The following LRRTM4 variants were observed in gnomAD, a reference collection of about 807,000 sequenced individuals.
LRRTM4 encodes leucine rich repeat transmembrane neuronal 4.
In LRRTM4, 25 loss-of-function variants were observed where a neutral mutation model predicts 47.6. The observed-to-expected ratio is 0.53, with a 90% CI of 0.38 to 0.73. LRRTM4 has a LOEUF of 0.73. Ranked by LOEUF, LRRTM4 falls within the 30% of genes least tolerant of loss-of-function variation. The pLI is 0.00. For missense variants in LRRTM4, 638 were observed against 713.4 expected, an observed-to-expected ratio of 0.89 and a Z score of 1.20; for synonymous variants, 311 against 269.5, an observed-to-expected ratio of 1.15 and a Z score of -1.51.
chr2:77,235,958 G>A (rs1675092594), intron 3 of LRRTM4, among the ~76,000 whole-genome samples: 1 of 152,036 alleles, frequency 6.6e-6, no homozygotes. Context: ...GTAATGTGAT[G>A]CCTCTACTTT....
At chr2:76,865,372 C>A (rs1672435632) in intron 3 of LRRTM4, among the ~76,000 whole-genome samples, 1 of 152,100 alleles carries the variant, frequency 6.6e-6, no homozygotes, top group Non-Finnish European at 1.5e-5. Context: ...GAATTGATAC[C>A]AATGACACCA....
intron 3 of LRRTM4, among the ~76,000 whole-genome samples, chr2:77,310,355 T>C (rs1677418130): frequency 6.6e-6 from 1 of 151,812 alleles, no homozygotes; most frequent in South Asian, 2.1e-4. Context: ...AATTTGAAAA[T>C]AGCAAAGAAC....
chr2:77,256,898 C>CA (rs1675784278), intron 3 of LRRTM4, among the ~76,000 whole-genome samples: 1 of 151,934 alleles, frequency 6.6e-6, no homozygotes, highest in African/African-American at 2.4e-5. Context: ...GAAAAACAGA[C>CA]ACAAAAACCC....
At chr2:77,151,446 A>G (rs1486395240) in intron 3 of LRRTM4, among the ~76,000 whole-genome samples, 2 of 152,202 alleles carry the variant, frequency 1.3e-5, no homozygotes, top group African/African-American at 2.4e-5. Context: ...ACTTTTGGTT[A>G]TATTTCCAAA....
At position 77,341,959 on chromosome 2, in the gene LRRTM4, G is replaced by A. The variant is rs569707538; in HGVS notation, c.1551+176359C>T. ...AGGCATTGGGATCAAGATGGATGAA[G>A]TAATACAGTATCACAGAATTTCAAT... is the stretch of plus-strand genomic sequence containing the variant. On this transcript the variant is annotated intron_variant, in intron 3 of 3. Transcript: ENST00000409884. 7.2e-5 allele frequency among the ~76,000 whole-genome samples: 11 copies of A among 152,034 alleles called. No individual in the cohort carries two copies. In the East Asian group the frequency reaches 1.2e-3, roughly 16 times the overall value.
At chr2:77,000,938 T>C (rs2104023095) in intron 3 of LRRTM4, among the ~76,000 whole-genome samples, 1 of 152,268 alleles carries the variant, frequency 6.6e-6, no homozygotes, top group East Asian at 1.9e-4. Flanking sequence ...TCCTTAGTAT[T>C]TTATTTCAAA....
intron 3 of LRRTM4, among the ~76,000 whole-genome samples, chr2:77,464,508 T>C (rs1676909419): frequency 6.6e-6 from 1 of 151,822 alleles, no homozygotes; most frequent in African/African-American, 2.4e-5. Context: ...ATGAGCTATT[T>C]CCTTTTTTTT....
chr2:77,331,949 T>C lies in LRRTM4; in HGVS notation c.1551+186369A>G, dbSNP rs562428769. Among the ~76,000 whole-genome samples, 5 of 152,296 alleles carry C rather than the reference T, an allele frequency of 3.3e-5. No individual in the cohort carries two copies. In the South Asian group the frequency reaches 8.3e-4, roughly 25 times the overall value. On this transcript the variant is annotated intron_variant, in intron 3 of 3. Transcript: ENST00000409884. Reference sequence around the variant, plus strand: ...GTAAAAATTTTCTGAATACCAGTCATATACTGAAGAACTTATAGAACAGGA... The same window carrying C: ...GTAAAAATTTTCTGAATACCAGTCACATACTGAAGAACTTATAGAACAGGA...
intron 3 of LRRTM4, among the ~76,000 whole-genome samples, chr2:77,333,382 C>G (rs375264708): frequency 6.6e-6 from 1 of 152,160 alleles, no homozygotes; most frequent in Non-Finnish European, 1.5e-5. Context: ...TTGTTGAATG[C>G]CTTTGACCAA....
chr2:77,008,938 G>GAAAAA (rs1346602340), intron 3 of LRRTM4: 2 of 81,878 alleles, frequency 2.4e-5, no homozygotes. Flanking sequence ...GAGCCAACAA[G>GAAAAA]AAAAAAAAGA....
chr2:77,465,683 C>T (rs1676956192), intron 3 of LRRTM4, among the ~76,000 whole-genome samples: 1 of 152,114 alleles, frequency 6.6e-6, no homozygotes, highest in East Asian at 1.9e-4. Context: ...TTGGTTCAAA[C>T]TAATAATTAT....
chr2:76,929,118 G>A (rs1674682838), intron 3 of LRRTM4, among the ~76,000 whole-genome samples: 1 of 152,118 alleles, frequency 6.6e-6, no homozygotes. Context: ...TCAAGCTCAA[G>A]CCTACAAGCT....
At chr2:77,072,024 C>G (rs1311500526) in intron 3 of LRRTM4, among the ~76,000 whole-genome samples, 2 of 152,028 alleles carry the variant, frequency 1.3e-5, no homozygotes, top group Non-Finnish European at 2.9e-5. Context: ...CTCCTCTGTC[C>G]CTCAAAAATT....
At chr2:77,018,260 T>C (rs1271895073) in intron 3 of LRRTM4, among the ~76,000 whole-genome samples, 1 of 46,602 alleles carries the variant, frequency 2.1e-5, no homozygotes, top group Non-Finnish European at 3.5e-5. Flanking sequence ...TCTTGATTGC[T>C]TTTTTTTTTT....
At chr2:77,097,909 T>C (rs964487858) in intron 3 of LRRTM4, among the ~76,000 whole-genome samples, 1 of 151,794 alleles carries the variant, frequency 6.6e-6, no homozygotes, top group African/African-American at 2.4e-5. Context: ...ATTATTAAAA[T>C]CTACAAGCTC....
intron 3 of LRRTM4, among the ~76,000 whole-genome samples, chr2:76,908,030 GAC>G (rs1411564980): frequency 6.6e-6 from 1 of 151,618 alleles, no homozygotes; most frequent in Non-Finnish European, 1.5e-5. Flanking sequence ...GCTGGGCAGA[GAC>G]ACAGCCAAAA....
intron 3 of LRRTM4, among the ~76,000 whole-genome samples, chr2:77,045,674 G>T (rs1001835905): frequency 1.3e-5 from 2 of 151,946 alleles, no homozygotes; most frequent in African/African-American, 4.8e-5. Flanking sequence ...TGCCATCCAT[G>T]TAAGATGTGC....
chr2:76,993,303 A>T (rs72823161), intron 3 of LRRTM4, among the ~76,000 whole-genome samples: 2,581 of 151,902 alleles, frequency 0.017, 61 homozygotes, highest in East Asian at 0.083. Flanking sequence ...TGCACAGGAT[A>T]AAAAAAGCTA....
At chr2:77,171,247 G>GA (rs1673040627) in intron 3 of LRRTM4, among the ~76,000 whole-genome samples, 1 of 151,582 alleles carries the variant, frequency 6.6e-6, no homozygotes. Flanking sequence ...TTTGCTTTAT[G>GA]TTTTTTTTCT....
Sources: gnomAD v4.1 joint callset for allele counts (sites outside exome capture counted in the v4.1 genomes callset) on GRCh38, gnomAD v4.1.1 for gene constraint, MANE v1.5 for transcripts, NCBI Gene and HGNC (gene_info 2026-07-23, HGNC 2026-07-21) for gene names.